The following SINHCAF variants were observed in gnomAD, a reference collection of about 807,000 sequenced individuals.
The protein encoded by SINHCAF is SIN3-HDAC complex-associated factor.
A neutral mutation model predicts 25.8 loss-of-function variants in SINHCAF; 3 were observed. The ratio of observed to expected loss-of-function variants is 0.12; its 90% CI spans 0.05 to 0.30. The LOEUF is 0.30. Ranked by LOEUF, SINHCAF falls within the 10% of genes least tolerant of loss-of-function variation. The pLI is 1.00. For missense variants in SINHCAF, 121 were observed against 262.3 expected (o/e 0.46, Z 3.72); for synonymous variants, 70 against 85.5 (o/e 0.82, Z 1.00).
intron 1 of SINHCAF, chr12:31,312,049 C>A (rs182042104): frequency 0.01 from 5,748 of 558,924 alleles, 77 homozygotes; most frequent in South Asian, 0.026. Flanking sequence ...GAGGATGGTA[C>A]CAGCAGTCTA....
chr12:31,289,063 G>A (rs1332024063), intron 4 of SINHCAF, among the ~76,000 whole-genome samples: 6 of 152,090 alleles, frequency 3.9e-5, no homozygotes, highest in Admixed American at 3.9e-4. Flanking sequence ...GCAACATGGA[G>A]GGGAGAGAGA....
At position 31,312,861 on chromosome 12, in the gene SINHCAF, A is replaced by G. The variant is rs956954353; in HGVS notation, c.-21+13163T>C. Among the ~76,000 whole-genome samples the G allele has an allele frequency of 2.0e-4, 30 of 152,064 alleles. 1 individual carries two copies. The highest frequency in any genetic ancestry group is 8.8e-5 in the Non-Finnish European group (6 of 68,018). Reference sequence around the variant, plus strand: ...CCTCCAGGTCGGGAAAATAATCTCCATTATTATCTTCCAGAAGTTTGTTTT... The same window carrying G: ...CCTCCAGGTCGGGAAAATAATCTCCGTTATTATCTTCCAGAAGTTTGTTTT... On this transcript the variant is annotated intron_variant, in intron 1 of 5. Coordinates refer to ENST00000337682, the MANE Select transcript of SINHCAF (RefSeq NM_001135812.2).
In SINHCAF at chr12:31,324,993, C is replaced by T; in HGVS notation, c.-21+1031G>A. ...CGGCGGCCGCATCCCACGGCTCACG[C>T]GGGGCTGGACATTCGGACAAGGACC... is the stretch of plus-strand genomic sequence containing the variant. On this transcript the variant is annotated intron_variant, in intron 1 of 5. Coordinates refer to ENST00000337682, the MANE Select transcript of SINHCAF (RefSeq NM_001135812.2). The surrounding 1 kb of genome is among the most constrained non-coding windows in gnomAD (Gnocchi z 5.5). The T allele has an allele frequency of 2.2e-6, 1 of 456,778 alleles. No individual in the cohort carries two copies. Among genetic ancestry groups the T allele is most frequent in the South Asian group, 1.5e-5 (1 of 64,560 alleles). The allele number at this position is 456,778 out of a possible 1,614,324, so 28.3% of individuals were successfully genotyped here. A position where few individuals can be genotyped will look rare whatever the true frequency, so the allele number is the denominator to read the frequency against.
intron 1 of SINHCAF, chr12:31,302,939 A>G (rs1420248197): frequency 2.3e-5 from 23 of 985,166 alleles, no homozygotes; most frequent in Non-Finnish European, 2.8e-5. Flanking sequence ...TGGTTTTATT[A>G]CCCATATGTC....
At chr12:31,288,122 T>C (rs1565489532) in intron 4 of SINHCAF, among the ~76,000 whole-genome samples, 2 of 152,166 alleles carry the variant, frequency 1.3e-5, no homozygotes, top group Non-Finnish European at 2.9e-5. Context: ...TTAGTTTTTC[T>C]GGATTTTCCT....
intron 4 of SINHCAF, among the ~76,000 whole-genome samples, chr12:31,288,191 T>G (rs79208464): frequency 0.02 from 3,081 of 151,116 alleles, 69 homozygotes; most frequent in African/African-American, 0.053. Flanking sequence ...AATGCCAATG[T>G]GTACAGACAA....
At chr12:31,292,274 G>A (rs994989985) in intron 4 of SINHCAF, among the ~76,000 whole-genome samples, 15 of 152,154 alleles carry the variant, frequency 9.9e-5, no homozygotes, top group Admixed American at 9.8e-4. Context: ...AGCCGAGGTG[G>A]GTGGATTGCT....
chr12:31,319,358 T>C (rs1250303194), intron 1 of SINHCAF, among the ~76,000 whole-genome samples: 1 of 152,032 alleles, frequency 6.6e-6, no homozygotes, highest in African/African-American at 2.4e-5. Context: ...GAAACACCGT[T>C]TCTACTAAAA....
Position 31,325,004 on chromosome 12 carries a change from A to T in SINHCAF, c.-21+1020T>A. On this transcript the variant is annotated intron_variant, in intron 1 of 5. Transcript: ENST00000337682. This position sits in a 1 kb window ranked among gnomAD's most constrained non-coding sequence, Gnocchi z 5.9. ...TCCCACGGCTCACGCGGGGCTGGAC[A>T]TTCGGACAAGGACCAGGGTCGCAGC... 2.2e-6 allele frequency: 1 copy of T among 456,778 alleles called. No homozygotes were observed. The highest frequency in any genetic ancestry group is 1.5e-5 in the South Asian group (1 of 64,572). The allele number at this position is 456,778 out of a possible 1,614,324, so 28.3% of individuals were successfully genotyped here. A position where few individuals can be genotyped will look rare whatever the true frequency, so the allele number is the denominator to read the frequency against.
rs1939952827 is a variant in SINHCAF at position 31,325,801 on chromosome 12, C to G, written c.-21+223G>C. The stretch of plus-strand genomic sequence containing the variant: ...CTTTCGGTTTGCCTCAAATACCCTC[C>G]CCAATTAATAAATACACACTAAACA... On this transcript the variant is annotated intron_variant, in intron 1 of 5. Transcript: ENST00000337682. This position sits in a 1 kb window ranked among gnomAD's most constrained non-coding sequence, Gnocchi z 5.9. The G allele has an allele frequency of 6.4e-6, 1 of 155,446 alleles. No homozygotes were observed. The highest frequency in any genetic ancestry group is 1.8e-4 in the South Asian group (1 of 5,424). The allele number at this position is 155,446 out of a possible 1,614,324, so 9.6% of individuals were successfully genotyped here.
chr12:31,295,131 A>G, intron 3 of SINHCAF, 103 bp downstream of exon 3: 1 of 695,106 alleles, frequency 1.4e-6, no homozygotes. Context: ...TTCTTTTCAG[A>G]CTTTTCTACC....
intron 5 of SINHCAF, among the ~76,000 whole-genome samples, chr12:31,287,249 A>T (rs1938119492): frequency 1.3e-5 from 2 of 152,110 alleles, no homozygotes; most frequent in Non-Finnish European, 2.9e-5. Context: ...CTTTATCTAT[A>T]CCTAAGTCTC....
At chr12:31,303,182 G>A (rs971514403) in intron 1 of SINHCAF, 5 of 985,306 alleles carry the variant, frequency 5.1e-6, no homozygotes, top group Non-Finnish European at 6.0e-6. Context: ...TCTTCAGCCA[G>A]AACAAATATT....
Position 31,325,378 on chromosome 12 carries a change from C to G in SINHCAF, c.-21+646G>C. Reference sequence around the variant, plus strand: ...CCGCATCCCTCCGGAGTTGAGCAAACAACGCCACGCCGCGTGCGCTCCGGC... The same window carrying G: ...CCGCATCCCTCCGGAGTTGAGCAAAGAACGCCACGCCGCGTGCGCTCCGGC... On this transcript the variant is annotated intron_variant, in intron 1 of 5. Transcript: ENST00000337682. The surrounding 1 kb of genome is among the most constrained non-coding windows in gnomAD (Gnocchi z 5.9). 1 of 378,904 alleles carries G rather than the reference C, an allele frequency of 2.6e-6. No homozygotes were observed. Among genetic ancestry groups the G allele is most frequent in the Non-Finnish European group, 5.3e-6 (1 of 188,906 alleles). The allele number at this position is 378,904 out of a possible 1,614,324, so 23.5% of individuals were successfully genotyped here.
Position 31,301,571 on chromosome 12 carries a change from T to C in SINHCAF, c.-20-3347A>G, listed in dbSNP as rs934787733. ...ACCTATTAAGCCTTTTCTGAGCTTATCCTCACACTTAAGAGGCACCTGGGA... is the reference window on the plus strand; with the variant it reads ...ACCTATTAAGCCTTTTCTGAGCTTACCCTCACACTTAAGAGGCACCTGGGA... On this transcript the variant is annotated intron_variant, in intron 1 of 5. Coordinates refer to ENST00000337682, the MANE Select transcript of SINHCAF (RefSeq NM_001135812.2). Among the ~76,000 whole-genome samples the C allele has an allele frequency of 4.6e-5, 7 of 152,286 alleles. No individual in the cohort carries two copies. In the South Asian group the frequency reaches 8.3e-4, roughly 18 times the overall value.
intron 1 of SINHCAF, among the ~76,000 whole-genome samples, chr12:31,301,388 C>A (rs1181300817): frequency 6.6e-6 from 1 of 152,140 alleles, no homozygotes; most frequent in Non-Finnish European, 1.5e-5. Flanking sequence ...TTTGTCCTGA[C>A]AAAATTATTC....
rs368993075 is a variant in SINHCAF at position 31,286,908 on chromosome 12, GGTTT to G, written c.506+722_506+725del. 5.1e-3 allele frequency among the ~76,000 whole-genome samples: 770 copies of G among 152,142 alleles called. 8 individuals carry two copies. Among genetic ancestry groups the G allele is most frequent in the Admixed American group, 0.032 (492 of 15,282 alleles). On this transcript the variant is annotated intron_variant, in intron 5 of 5. Coordinates refer to ENST00000337682, the MANE Select transcript of SINHCAF (RefSeq NM_001135812.2). ...ATGTTTAGTACAACTTGCCTATTGT[GGTTT>G]GTTTGTTTGTTTGTTTGTTTTTTTA...
intron 1 of SINHCAF, among the ~76,000 whole-genome samples, chr12:31,322,414 G>GA (rs1939732530): frequency 6.6e-6 from 1 of 152,168 alleles, no homozygotes; most frequent in Non-Finnish European, 1.5e-5. Flanking sequence ...AAATAGCTGC[G>GA]AAAGGAAAGC....
At chr12:31,286,376 T>C (rs1168429373) in intron 5 of SINHCAF, among the ~76,000 whole-genome samples, 3 of 152,146 alleles carry the variant, frequency 2.0e-5, no homozygotes, top group African/African-American at 7.2e-5. Context: ...AAACTATCAA[T>C]GTGGGCTGGG....
Sources: gnomAD v4.1 joint callset for allele counts (sites outside exome capture counted in the v4.1 genomes callset) on GRCh38, gnomAD v4.1.1 for gene constraint, Gnocchi (gnomAD v3.1) non-coding constraint, MANE v1.5 for transcripts, NCBI Gene and HGNC (gene_info 2026-07-23, HGNC 2026-07-21) for gene names.